The following MTCL1 variants were observed in gnomAD, a reference collection of about 807,000 sequenced individuals.
MTCL1 encodes microtubule crosslinking factor 1.
Under a neutral mutation model 141.4 loss-of-function variants are expected in MTCL1, and 79 were observed. The ratio of observed to expected loss-of-function variants is 0.56; its 90% CI spans 0.47 to 0.67. The LOEUF is 0.67. Among genes scored for constraint, MTCL1 ranks in the 30% least tolerant of loss-of-function variants. MTCL1 has a pLI of 0.00. For synonymous variants in MTCL1, 914 were observed against 875.8 expected (o/e 1.04, Z -0.77); for missense variants, 2,177 against 2,113.9 (o/e 1.03, Z -0.59).
rs991736246 is a variant in MTCL1, at chr18:8,754,256, A to G, written c.358-23577A>G. 5.3e-4 allele frequency among the ~76,000 whole-genome samples: 80 copies of G among 152,292 alleles called. 1 individual carries two copies. Among genetic ancestry groups the G allele is most frequent in the African/African-American group, 1.8e-3 (75 of 41,558 alleles). Reference sequence around the variant, plus strand: ...TGGCTAATTTTTGTAATTTTAATAGAGACGGGGTTTCACCGTGTTGCCCAG... The same window carrying G: ...TGGCTAATTTTTGTAATTTTAATAGGGACGGGGTTTCACCGTGTTGCCCAG... On this transcript the variant is annotated intron_variant, in intron 4 of 16. Coordinates refer to ENST00000359865, the Ensembl canonical transcript of MTCL1.
intron 4 of MTCL1, among the ~76,000 whole-genome samples, chr18:8,739,658 T>C (rs1484332221): frequency 6.6e-6 from 1 of 152,208 alleles, no homozygotes; most frequent in African/African-American, 2.4e-5. Flanking sequence ...GAGGTCTGTG[T>C]GTGGGTTTTA....
At position 8,719,219 on chromosome 18, in the gene MTCL1, G is replaced by C. The variant is rs1197673475; in HGVS notation, c.198+571G>C. Among the ~76,000 whole-genome samples the C allele has an allele frequency of 3.3e-5, 5 of 152,166 alleles. No individual in the cohort carries two copies. In the East Asian group the frequency reaches 9.6e-4, roughly 29 times the overall value. ...ACTTTAAGCCATTTTCTCTCCGTGG[G>C]CAGCGAGGCCCTCATGACCTGATTA... On this transcript the variant is annotated intron_variant, in intron 3 of 16. Coordinates refer to ENST00000359865, the Ensembl canonical transcript of MTCL1.
At chr18:8,821,189 C>A (rs1885181924) in intron 13 of MTCL1, among the ~76,000 whole-genome samples, 2 of 152,200 alleles carry the variant, frequency 1.3e-5, no homozygotes, top group African/African-American at 4.8e-5. Context: ...AGAAGAGCCA[C>A]CTCCTCCATG....
chr18:8,733,977 A>G (rs973597275), intron 4 of MTCL1, among the ~76,000 whole-genome samples: 11 of 152,156 alleles, frequency 7.2e-5, no homozygotes, highest in African/African-American at 2.7e-4. Context: ...ACTTATTTGT[A>G]AACGAGGTTA....
At chr18:8,809,943 A>T in intron 11 of MTCL1, 1 of 175,188 alleles carries the variant, frequency 5.7e-6, no homozygotes, top group Non-Finnish European at 1.2e-5. Flanking sequence ...AGGAACTCAT[A>T]GAAGGAACCA....
At chr18:8,811,479 T>G (rs1331745729) in intron 11 of MTCL1, among the ~76,000 whole-genome samples, 2 of 152,176 alleles carry the variant, frequency 1.3e-5, no homozygotes, top group Admixed American at 6.5e-5. Flanking sequence ...CAGACATCTT[T>G]CTAAATAGAA....
At chr18:8,751,752 C>G (rs1438603402) in intron 4 of MTCL1, among the ~76,000 whole-genome samples, 3 of 152,144 alleles carry the variant, frequency 2.0e-5, no homozygotes, top group Non-Finnish European at 4.4e-5. Flanking sequence ...CATCACAATA[C>G]AAAAACAATC....
At chr18:8,774,279 T>G (rs540518283) in intron 4 of MTCL1, among the ~76,000 whole-genome samples, 1 of 152,280 alleles carries the variant, frequency 6.6e-6, no homozygotes, top group East Asian at 1.9e-4. Context: ...TGTGTGTATT[T>G]TTTTTTAAGG....
chr18:8,784,508 C>A, exon 6 of MTCL1: 2 of 1,596,580 alleles, frequency 1.3e-6, no homozygotes, highest in Non-Finnish European at 1.7e-6. Context: ...GCGGCTAGAG[C>A]GGACGGTGGA....
intron 4 of MTCL1, among the ~76,000 whole-genome samples, chr18:8,736,635 ATTTTT>A (rs34650032): frequency 2.5e-5 from 3 of 117,670 alleles, no homozygotes; most frequent in Admixed American, 9.1e-5. Context: ...ATATCCATGT[ATTTTT>A]TTTTTTTTTT....
In MTCL1 at chr18:8,777,822, A is replaced by G. The variant is rs1239278971; in HGVS notation, c.358-11A>G. The G allele has an allele frequency of 1.2e-6, 2 of 1,613,652 alleles. No homozygotes were observed. ...CCCTTGGTCACAGAATGTCACTTGG[A>G]TCTATTTCAGAGTTCCCTAAAAAGA... On this transcript the variant is annotated splice_polypyrimidine_tract_variant and intron_variant, in intron 4 of 16. Coordinates refer to ENST00000359865, the Ensembl canonical transcript of MTCL1.
chr18:8,789,453 A>T (rs2075641927), intron 7 of MTCL1: 1 of 985,426 alleles, frequency 1.0e-6, no homozygotes, highest in Non-Finnish European at 1.2e-6. Context: ...TGTGTTTGAG[A>T]TTGTGAAGTT....
At chr18:8,756,397 GTA>G (rs1321228607) in intron 4 of MTCL1, among the ~76,000 whole-genome samples, 3 of 150,204 alleles carry the variant, frequency 2.0e-5, no homozygotes, top group Non-Finnish European at 4.4e-5. Context: ...GTGTATATAT[GTA>G]TATATGTGTG....
chr18:8,825,537 C>T (rs750818767), exon 15 of MTCL1: 1 of 1,612,388 alleles, frequency 6.2e-7, no homozygotes. Context: ...CACCAGCAGC[C>T]CCCACAAGTG....
intron 4 of MTCL1, among the ~76,000 whole-genome samples, chr18:8,772,806 A>T (rs1012057038): frequency 6.6e-6 from 1 of 152,070 alleles, no homozygotes; most frequent in Admixed American, 6.5e-5. Flanking sequence ...CTTCAAAAGC[A>T]TGACTGTGTC....
At chr18:8,706,657 G>A (rs1367521429) in exon 1 of MTCL1, 3 of 1,546,396 alleles carry the variant, frequency 1.9e-6, no homozygotes, top group Non-Finnish European at 2.6e-6. Context: ...AGCGGCGGAG[G>A]AAGAAGAGCT....
At chr18:8,829,930 A>G (rs572684955) in intron 16 of MTCL1, 232 of 985,308 alleles carry the variant, frequency 2.4e-4, no homozygotes, top group Non-Finnish European at 2.7e-4. Flanking sequence ...GCTGGCAAAG[A>G]GGGGGTACTG....
In MTCL1 at chr18:8,720,889, A is replaced by G. The variant is rs568373876; in HGVS notation, c.357+393A>G. 6.3e-4 allele frequency among the ~76,000 whole-genome samples: 96 copies of G among 152,222 alleles called. 2 individuals are homozygous for G. The Middle Eastern group carries it at 0.014, about 22-fold the overall frequency. ...TGTCCAAGTGGAGCCTATTATTGCT[A>G]GAATACAGAGTTAAGAAGTAGCTTT... is the stretch of plus-strand genomic sequence containing the variant. On this transcript the variant is annotated intron_variant, in intron 4 of 16. Transcript: ENST00000359865.
intron 7 of MTCL1, among the ~76,000 whole-genome samples, chr18:8,787,713 T>C (rs2143669680): frequency 6.6e-6 from 1 of 152,368 alleles, no homozygotes; most frequent in South Asian, 2.1e-4. Context: ...ATCAGGAGTT[T>C]TAAGCAAACA....
Sources: gnomAD v4.1 joint callset for allele counts (sites outside exome capture counted in the v4.1 genomes callset) on GRCh38, gnomAD v4.1.1 for gene constraint, MANE v1.5 for transcripts, NCBI Gene and HGNC (gene_info 2026-07-23, HGNC 2026-07-21) for gene names.